CDHR2: variants seen among roughly 807,000 people sequenced by gnomAD.
The protein encoded by CDHR2 is cadherin-related family member 2.
Under a neutral mutation model 138.6 loss-of-function variants are expected in CDHR2, and 104 were observed. The observed-to-expected ratio is 0.75, with a 90% CI of 0.64 to 0.88. The LOEUF is 0.88. CDHR2 is among the 40% of genes least tolerant of loss of function. The pLI is 0.00. For synonymous variants in CDHR2, 755 were observed against 742.8 expected (o/e 1.02, Z -0.27); for missense variants, 1,624 against 1,727.6 (o/e 0.94, Z 1.06).
intron 3 of CDHR2, among the ~76,000 whole-genome samples, chr5:176,567,283 T>A (rs997566121): frequency 1.3e-5 from 2 of 149,518 alleles, no homozygotes; most frequent in Admixed American, 6.7e-5. Flanking sequence ...TCCTCCCACC[T>A]CAGCCTCCCA....
chr5:176,561,390 A>C (rs752570949), intron 1 of CDHR2, among the ~76,000 whole-genome samples: 16 of 152,022 alleles, frequency 1.1e-4, no homozygotes, highest in Non-Finnish European at 2.1e-4. Flanking sequence ...CCTTTCAGAA[A>C]TACTCACTGA....
upstream of CDHR2, among the ~76,000 whole-genome samples, chr5:176,546,130 C>T (rs1331985488): frequency 6.6e-6 from 1 of 152,174 alleles, no homozygotes; most frequent in Non-Finnish European, 1.5e-5. Context: ...TCACCTGCCT[C>T]TCTTCTTACT....
intron 1 of CDHR2, among the ~76,000 whole-genome samples, chr5:176,559,195 T>C (rs1757911393): frequency 6.6e-6 from 1 of 152,194 alleles, no homozygotes; most frequent in Non-Finnish European, 1.5e-5. Flanking sequence ...TTCTGCCACG[T>C]TCTGTTGATC....
rs141716042 is a variant in CDHR2, at chr5:176,575,206, C to T, written c.618C>T (p.Ala206=). ...CTTTCTACCAGCTGGAGCTGAAGGC[C>T]TGTGTGAGTGGGGGTGCCGGCAGGC... ...KSAFYQLELK[A]CDLGGMYHNT... The change falls in exon 8 of 32, where the codon GCC becomes GCT. Residue 206 remains alanine, a synonymous_variant. Coordinates refer to ENST00000261944, the MANE Select transcript of CDHR2 (RefSeq NM_017675.6). 56 of 1,614,068 alleles carry T rather than the reference C, an allele frequency of 3.5e-5. No individual in the cohort carries two copies. Among genetic ancestry groups the T allele is most frequent in the Non-Finnish European group, 4.4e-5 (52 of 1,180,036 alleles).
In CDHR2 at chr5:176,565,988, G is replaced by A. The variant is rs6898315; in HGVS notation, c.124+245G>A. Among the ~76,000 whole-genome samples, 498 of 152,148 alleles carry A rather than the reference G, an allele frequency of 3.3e-3. 6 individuals are homozygous for A. The highest frequency in any genetic ancestry group is 0.011 in the African/African-American group (468 of 41,494). On this transcript the variant is annotated intron_variant, in intron 3 of 31. Coordinates refer to ENST00000261944, the MANE Select transcript of CDHR2 (RefSeq NM_017675.6). ...CCCTCACACCAGCGCCAAATCATCC[G>A]GCCTCCCCCATTGCCCATCGCTTTC... is the stretch of plus-strand genomic sequence containing the variant.
chr5:176,563,801 T>A (rs1014463166), intron 1 of CDHR2, among the ~76,000 whole-genome samples: 2 of 152,188 alleles, frequency 1.3e-5, no homozygotes, highest in Non-Finnish European at 2.9e-5. Context: ...GTGGGAGGCA[T>A]AGGATTTTAT....
rs1009049339 is a variant in CDHR2 at position 176,575,072 on chromosome 5, G to A, written c.496-12G>A. 2 of 1,613,774 alleles carry A rather than the reference G, an allele frequency of 1.2e-6. No homozygotes were observed. Among genetic ancestry groups the A allele is most frequent in the Non-Finnish European group, 1.7e-6 (2 of 1,179,992 alleles). On this transcript the variant is annotated splice_polypyrimidine_tract_variant and intron_variant, in intron 7 of 31. Transcript: ENST00000261944. ...TCCCTAGGGAGCCTGACCCAAGTCT[G>A]CTCTGCCCCAGGTCATCCCTAGCAC... is the stretch of plus-strand genomic sequence containing the variant.
rs200908807 is a variant in CDHR2 at position 176,577,722 on chromosome 5, C to T, written c.1436C>T (p.Thr479Met). The T allele has an allele frequency of 9.5e-5, 153 of 1,614,116 alleles. No individual in the cohort carries two copies. The highest frequency in any genetic ancestry group is 4.9e-4 in the Middle Eastern group (3 of 6,084). Residue 479 changes from threonine (T) to methionine (M), a missense_variant, in exon 14 of 32, where the codon ACG becomes ATG. Physicochemically the swap from Thr to Met is moderately conservative, Grantham distance 81. Coordinates refer to ENST00000261944, the MANE Select transcript of CDHR2 (RefSeq NM_017675.6). ...HLRDINDHRP[T>M]FPQSLYVLTV... ...AGAGACATTAATGACCACAGGCCCA[C>T]GTTTCCCCAGAGCTTGTACGTCCTC...
At chr5:176,551,166 G>A (rs1049014552) in intron 1 of CDHR2, among the ~76,000 whole-genome samples, 3 of 152,186 alleles carry the variant, frequency 2.0e-5, no homozygotes, top group African/African-American at 4.8e-5. Flanking sequence ...ACGCCACCAC[G>A]TCTGGCTAAT....
rs35790078 is a variant in CDHR2 at position 176,576,579 on chromosome 5, CT to C, written c.1194+409del. ...TGAGGGTGTGAGGTGGGAGGGTGCT[CT>C]TTTTTTTTTTTTTTGAGATGGAATT... On this transcript the variant is annotated intron_variant, in intron 12 of 31. Transcript: ENST00000261944. This position sits in a 1 kb window ranked among gnomAD's most constrained non-coding sequence, Gnocchi z 4.5. Among the ~76,000 whole-genome samples the C allele has an allele frequency of 0.53, 72,950 of 136,408 alleles. 19,426 individuals carry two copies. Among genetic ancestry groups the C allele is most frequent in the East Asian group, 0.82 (3,737 of 4,582 alleles). The allele number at this position is 136,408 out of a possible 152,430, so 89.5% of individuals were successfully genotyped here.
rs752017605 is a variant in CDHR2 at position 176,591,465 on chromosome 5, A to G, written c.3715A>G (p.Asn1239Asp). The G allele has an allele frequency of 5.0e-6, 8 of 1,613,566 alleles. No individual in the cohort carries two copies. The South Asian group carries it at 8.8e-5, about 18-fold the overall frequency. ...GGGCTTGGAGTACCTCTCTCCCTCCAATGACCTGGACTCTGTCAGGTGAGC... is the reference window on the plus strand; with the variant it reads ...GGGCTTGGAGTACCTCTCTCCCTCCGATGACCTGGACTCTGTCAGGTGAGC... ...DLGLEYLSPS[N>D]DLDSVSVNSL... The change falls in exon 30 of 32, where the codon AAT becomes GAT. Residue 1239 changes from asparagine (N) to aspartate (D), a missense_variant. By Grantham distance (23) the Asn-to-Asp change is conservative (BLOSUM62 1). Around this residue, in one of 3 missense-constraint regions of CDHR2, gnomAD observed 556 missense variants for 565.7 expected, o/e 0.98. Transcript: ENST00000261944.
Position 176,576,869 on chromosome 5 carries a change from GC to G in CDHR2, c.1195-527del, listed in dbSNP as rs543191222. The stretch of plus-strand genomic sequence containing the variant: ...TGGGATTGCAGGCGTGAGCCACCGC[GC>G]CCAGCCATGGGAGGCACTCTTAAGT... On this transcript the variant is annotated intron_variant, in intron 12 of 31. Transcript: ENST00000261944. This position sits in a 1 kb window ranked among gnomAD's most constrained non-coding sequence, Gnocchi z 4.5. Among the ~76,000 whole-genome samples, 76 of 152,300 alleles carry G rather than the reference GC, an allele frequency of 5.0e-4. No homozygotes were observed. The highest frequency in any genetic ancestry group is 2.1e-3 in the South Asian group (10 of 4,828).
chr5:176,543,462 G>C lies in CDHR2; in HGVS notation c.-16+693G>C, dbSNP rs1224693474. On this transcript the variant is annotated intron_variant, in intron 1 of 31. Transcript: ENST00000510636. The surrounding 1 kb of genome is among the most constrained non-coding windows in gnomAD (Gnocchi z 4.0). Reference sequence around the variant, plus strand: ...GCGCAGCTTCCAGGACCCCCGCCCCGGCCCCGCGCGAATGGAGCTGCCTGG... The same window carrying C: ...GCGCAGCTTCCAGGACCCCCGCCCCCGCCCCGCGCGAATGGAGCTGCCTGG... 2.6e-5 allele frequency: 4 copies of C among 151,932 alleles called. No individual in the cohort carries two copies. In the East Asian group the frequency reaches 7.8e-4, roughly 30 times the overall value. The allele number at this position is 151,932 out of a possible 1,614,324, so 9.4% of individuals were successfully genotyped here.
At position 176,584,509 on chromosome 5, in the gene CDHR2, T is replaced by C; in HGVS notation, c.2228T>C (p.Met743Thr). The change falls in exon 19 of 32, where the codon ATG becomes ACG. Residue 743 changes from methionine (M) to threonine (T), a missense_variant. Met to Thr is a moderately conservative substitution (Grantham distance 81). Coordinates refer to ENST00000261944, the MANE Select transcript of CDHR2 (RefSeq NM_017675.6). ...SLSGSGANYF[M>T]IRGLVLGAGW... ...TCGGGGAGTGGTGCCAACTACTTCA[T>C]GATCCGAGGCTTGGTGCTGGGGGCT... 2 of 1,613,680 alleles carry C rather than the reference T, an allele frequency of 1.2e-6. No homozygotes were observed. The highest frequency in any genetic ancestry group is 1.7e-6 in the Non-Finnish European group (2 of 1,179,768).
In CDHR2 at chr5:176,581,464, C is replaced by G. The variant is rs1758528229; in HGVS notation, c.1940C>G (p.Pro647Arg). ...PDTGLLRNLG[P>R]LDREAIDPAL... ...ACAGGGCTCCTCAGAAACCTGGGGC[C>G]CCTGGACAGAGAGGCCATCGACCCC... The change falls in exon 17 of 32, where the codon CCC becomes CGC. Residue 647 changes from proline to arginine, a missense_variant. By Grantham distance (103) the Pro-to-Arg change is moderately radical. Coordinates refer to ENST00000261944, the MANE Select transcript of CDHR2 (RefSeq NM_017675.6). 6.2e-7 allele frequency: 1 copy of G among 1,614,176 alleles called. No homozygotes were observed. The highest frequency in any genetic ancestry group is 8.5e-7 in the Non-Finnish European group (1 of 1,180,046).
At chr5:176,559,198 T>G (rs1181769501) in intron 1 of CDHR2, among the ~76,000 whole-genome samples, 1 of 152,210 alleles carries the variant, frequency 6.6e-6, no homozygotes, top group African/African-American at 2.4e-5. Context: ...TGCCACGTTC[T>G]GTTGATCAAG....
At chr5:176,592,869 G>A in intron 31 of CDHR2, 89 bp downstream of exon 31, 1 of 1,134,364 alleles carries the variant, frequency 8.8e-7, no homozygotes, top group African/African-American at 1.5e-5. Context: ...ACCTGCTACT[G>A]ACATGGGCAG....
intron 31 of CDHR2, among the ~76,000 whole-genome samples, chr5:176,594,899 G>A (rs1190756764): frequency 9.8e-5 from 15 of 152,324 alleles, no homozygotes; most frequent in African/African-American, 9.6e-5. Context: ...GAGGAAGGGC[G>A]GGAGAGATGA....
At chr5:176,565,214 G>T in intron 1 of CDHR2, 124 bp from the exon 2 acceptor site, 1 of 705,870 alleles carries the variant, frequency 1.4e-6, no homozygotes, top group Non-Finnish European at 2.6e-6. Flanking sequence ...GGGTGATAGA[G>T]GCCCTGGGGG....
Sources: gnomAD v4.1 joint callset for allele counts (sites outside exome capture counted in the v4.1 genomes callset) on GRCh38, gnomAD v4.1.1 for gene constraint, gnomAD v4.1.1 regional missense constraint, Gnocchi (gnomAD v3.1) non-coding constraint, MANE v1.5 for transcripts, NCBI Gene and HGNC (gene_info 2026-07-23, HGNC 2026-07-21) for gene names.